SYNE1: variants seen among roughly 807,000 people sequenced by gnomAD.
SYNE1 encodes nesprin-1.
In SYNE1, 616 loss-of-function variants were observed where a neutral mutation model predicts 1,111.0. The ratio of observed to expected loss-of-function variants is 0.55; its 90% CI spans 0.52 to 0.59. SYNE1 has a LOEUF of 0.59. Ranked by LOEUF, SYNE1 falls within the 20% of genes least tolerant of loss-of-function variation. SYNE1 has a pLI of 0.00. For missense variants in SYNE1, 10,006 were observed against 10,417.0 expected, an observed-to-expected ratio of 0.96 and a Z score of 1.72; for synonymous variants, 3,855 against 3,825.8, an observed-to-expected ratio of 1.01 and a Z score of -0.28.
chr6:152,617,076 T>C (rs924396192), intron 3 of SYNE1, among the ~76,000 whole-genome samples: 1 of 152,210 alleles, frequency 6.6e-6, no homozygotes, highest in South Asian at 2.1e-4. Context: ...TCTCGGAGAC[T>C]GAAGTCCCTC....
intron 31 of SYNE1, 36 bp from the exon 32 acceptor site, chr6:152,441,306 A>G: frequency 6.3e-7 from 1 of 1,580,514 alleles, no homozygotes; most frequent in Non-Finnish European, 8.6e-7. Flanking sequence ...ATGGGTTACA[A>G]ATGTCACACA....
intron 98 of SYNE1, among the ~76,000 whole-genome samples, chr6:152,274,664 T>A (rs536294173): frequency 1.3e-5 from 2 of 152,258 alleles, no homozygotes; most frequent in South Asian, 2.1e-4. Flanking sequence ...TGGCGTGATC[T>A]CGGCTCACTG....
chr6:152,413,267 T>C, intron 42 of SYNE1, 85 bp downstream of exon 42: 1 of 1,362,950 alleles, frequency 7.3e-7, no homozygotes, highest in Non-Finnish European at 1.1e-6. Flanking sequence ...TAACTACTGA[T>C]CACATCAACA....
intron 127 of SYNE1, among the ~76,000 whole-genome samples, chr6:152,198,380 A>T (rs1428900008): frequency 6.6e-6 from 1 of 152,018 alleles, no homozygotes; most frequent in Non-Finnish European, 1.5e-5. Flanking sequence ...TATTCAGACC[A>T]CTCAAAGTTT....
intron 87 of SYNE1, 104 bp from the exon 88 acceptor site, chr6:152,310,977 G>T (rs1213782864): frequency 3.3e-6 from 4 of 1,207,566 alleles, no homozygotes; most frequent in South Asian, 1.3e-5. Flanking sequence ...CTGTGTGTCC[G>T]TTATTGTGTT....
intron 77 of SYNE1, among the ~76,000 whole-genome samples, chr6:152,332,417 T>C (rs1477966572): frequency 6.6e-6 from 1 of 152,232 alleles, no homozygotes; most frequent in African/African-American, 2.4e-5. Context: ...TCAAACCAAG[T>C]TGCCTACTTC....
At chr6:152,455,692 A>G in intron 23 of SYNE1, 102 bp from the exon 24 acceptor site, 2 of 1,493,406 alleles carry the variant, frequency 1.3e-6, no homozygotes, top group Non-Finnish European at 1.9e-6. Flanking sequence ...TGGAAAAAAG[A>G]CATTTCATCA....
At chr6:152,396,139 T>C (rs529178756) in intron 50 of SYNE1, among the ~76,000 whole-genome samples, 1 of 152,220 alleles carries the variant, frequency 6.6e-6, no homozygotes. Context: ...AGTAGGGCAG[T>C]GGAGTCCCTG....
At chr6:152,397,128 C>T in intron 49 of SYNE1, 148 bp from the exon 50 acceptor site, 1 of 773,272 alleles carries the variant, frequency 1.3e-6, no homozygotes, top group Non-Finnish European at 2.2e-6. Context: ...TTGGGCACAA[C>T]CAAGGCTCCT....
intron 115 of SYNE1, among the ~76,000 whole-genome samples, chr6:152,229,730 G>T (rs966246656): frequency 6.6e-6 from 1 of 151,896 alleles, no homozygotes; most frequent in African/African-American, 2.4e-5. Context: ...ACAGGTTATG[G>T]TCTTAAAAAA....
intron 56 of SYNE1, among the ~76,000 whole-genome samples, chr6:152,379,370 A>C (rs7751175): frequency 0.24 from 36,483 of 151,882 alleles, 7,206 homozygotes; most frequent in African/African-American, 0.54. Flanking sequence ...AAATAGAATT[A>C]TTTTTACAAT....
chr6:152,523,209 C>T (rs1163777154), intron 5 of SYNE1, among the ~76,000 whole-genome samples: 1 of 151,820 alleles, frequency 6.6e-6, no homozygotes, highest in East Asian at 1.9e-4. Flanking sequence ...AGTATTTGAG[C>T]CATCCTGAGT....
At chr6:152,433,529 T>G (rs2098448165) in intron 34 of SYNE1, 1 of 489,274 alleles carries the variant, frequency 2.0e-6, no homozygotes, top group African/African-American at 1.9e-5. Context: ...AAAGAATTAA[T>G]GTAACCATAA....
intron 3 of SYNE1, among the ~76,000 whole-genome samples, chr6:152,568,631 C>G (rs1476474114): frequency 1.3e-5 from 2 of 151,992 alleles, no homozygotes. Flanking sequence ...GACAGGGTCT[C>G]TCTATGTACC....
At chr6:152,523,204 T>C (rs1027758600) in intron 5 of SYNE1, among the ~76,000 whole-genome samples, 7 of 152,274 alleles carry the variant, frequency 4.6e-5, no homozygotes, top group African/African-American at 1.7e-4. Flanking sequence ...ATTTAAGTAT[T>C]TGAGCCATCC....
intron 38 of SYNE1, 22 bp from the exon 39 acceptor site, chr6:152,425,569 G>A (rs371369215): frequency 1.2e-4 from 191 of 1,613,742 alleles, no homozygotes; most frequent in Non-Finnish European, 1.5e-4. Flanking sequence ...AAGACATTAC[G>A]GATCTCATCC....
chr6:152,293,515 G>T, intron 95 of SYNE1, 73 bp downstream of exon 95: 1 of 1,558,122 alleles, frequency 6.4e-7, no homozygotes, highest in Non-Finnish European at 8.8e-7. Flanking sequence ...TCAAACACAT[G>T]CCTGACAGGC....
chr6:152,312,499 A>G (rs571158670), intron 87 of SYNE1, among the ~76,000 whole-genome samples: 1 of 150,554 alleles, frequency 6.6e-6, no homozygotes, highest in African/African-American at 2.4e-5. Flanking sequence ...GACTCACTGC[A>G]CCCAGCCCCT....
intron 11 of SYNE1, among the ~76,000 whole-genome samples, chr6:152,497,739 A>G (rs1255950359): frequency 1.3e-5 from 2 of 152,232 alleles, no homozygotes; most frequent in Non-Finnish European, 2.9e-5. Flanking sequence ...CGCTATTTAT[A>G]TACTCAACAT....
Sources: allele counts gnomAD v4.1 joint callset (sites outside exome capture counted in the v4.1 genomes callset), GRCh38; gene constraint gnomAD v4.1.1; transcripts MANE v1.5; gene names NCBI Gene and HGNC (gene_info 2026-07-23, HGNC 2026-07-21).